The following OTOGL variants were observed in gnomAD, a reference collection of about 807,000 sequenced individuals.
The protein encoded by OTOGL is otogelin like.
Under a neutral mutation model 318.5 loss-of-function variants are expected in OTOGL, and 285 were observed. That is an observed-to-expected ratio of 0.89 (90% CI 0.81 to 0.99). OTOGL has a LOEUF of 0.99. Ranked by LOEUF, OTOGL falls within the 50% of genes least tolerant of loss-of-function variation. The pLI is 0.00. For missense variants in OTOGL, 2,899 were observed against 2,845.6 expected (o/e 1.02, Z -0.43); for synonymous variants, 987 against 936.5 (o/e 1.05, Z -0.99).
In OTOGL at chr12:80,377,877, C is replaced by A; in HGVS notation, c.6891C>A (p.Cys2297Ter). The A allele has an allele frequency of 6.2e-7, 1 of 1,611,022 alleles. No individual in the cohort carries two copies. The highest frequency in any genetic ancestry group is 8.5e-7 in the Non-Finnish European group (1 of 1,178,056). ...PINVASCDGK[C>*]PSATIYNINI... ...ATGTTGCATCTTGTGACGGCAAATG[C>A]CCATCAGCTACCATATATAACATCA... is the stretch of plus-strand genomic sequence containing the variant. Residue 2297 changes from cysteine (C) to a stop codon, truncating the protein, a stop_gained, in exon 59 of 59, where the codon TGC becomes TGA. Transcript: ENST00000547103. LOFTEE classifies it high-confidence loss of function.
chr12:80,181,111 T>A (rs1051116990), intron 1 of OTOGL, among the ~76,000 whole-genome samples: 1 of 152,192 alleles, frequency 6.6e-6, no homozygotes, highest in Non-Finnish European at 1.5e-5. Context: ...ATTATGAGCA[T>A]GAAGGTTTGT....
At chr12:80,134,129 T>G (rs546693197) in intron 1 of OTOGL, among the ~76,000 whole-genome samples, 1 of 152,332 alleles carries the variant, frequency 6.6e-6, no homozygotes, top group Non-Finnish European at 1.5e-5. Context: ...ATTTAGACTA[T>G]TGCTAGACAG....
At chr12:80,123,045 T>A (rs529768980) in intron 1 of OTOGL, among the ~76,000 whole-genome samples, 16 of 152,088 alleles carry the variant, frequency 1.1e-4, no homozygotes, top group South Asian at 4.1e-4. Flanking sequence ...TTTTTTTTTT[T>A]AATTATACTT....
chr12:80,175,293 C>T (rs1874457533), intron 1 of OTOGL, among the ~76,000 whole-genome samples: 1 of 152,070 alleles, frequency 6.6e-6, no homozygotes. Flanking sequence ...AATTTCTCAT[C>T]CTTAGGTGTG....
At chr12:80,144,299 T>C (rs111476700) in intron 1 of OTOGL, among the ~76,000 whole-genome samples, 1 of 151,808 alleles carries the variant, frequency 6.6e-6, no homozygotes, top group East Asian at 1.9e-4. Context: ...AGTGAGAATA[T>C]GCGGTGTTTG....
intron 26 of OTOGL, among the ~76,000 whole-genome samples, chr12:80,280,717 T>C (rs929620827): frequency 1.9e-4 from 29 of 151,924 alleles, no homozygotes; most frequent in South Asian, 1.0e-3. Flanking sequence ...TGGAGTTGGG[T>C]AGTTTGATGC....
chr12:80,367,609 G>C lies in OTOGL; in HGVS notation c.6380G>C (p.Gly2127Ala), dbSNP rs139115318. The C allele has an allele frequency of 5.2e-6, 8 of 1,545,594 alleles. No individual in the cohort carries two copies. The highest frequency in any genetic ancestry group is 6.2e-6 in the Non-Finnish European group (7 of 1,137,170). ...VFQEVSVLNP[G>A]QSMIKYLEED... Reference sequence around the variant, plus strand: ...CAAGAAGTATCAGTATTGAATCCTGGACAATCCATGATAAAGTATTTGGAA... The same window carrying C: ...CAAGAAGTATCAGTATTGAATCCTGCACAATCCATGATAAAGTATTTGGAA... Residue 2127 changes from glycine to alanine, a missense_variant, in exon 54 of 59, where the codon GGA becomes GCA. Gly to Ala is a moderately conservative substitution (Grantham distance 60). Around this residue, in one of 3 missense-constraint regions of OTOGL, gnomAD observed 289 missense variants for 304.6 expected, o/e 0.95. Coordinates refer to ENST00000547103, the MANE Select transcript of OTOGL (RefSeq NM_001378609.3).
rs1882830196 is a variant in OTOGL, at chr12:80,264,955, T to C, written c.2015-46T>C. The C allele has an allele frequency of 1.9e-6, 3 of 1,564,860 alleles. No individual in the cohort carries two copies. In the East Asian group the frequency reaches 6.8e-5, roughly 35 times the overall value. ...GTGAAATGCTTGGATAATTCTGGGG[T>C]AAGATCTGAACTGTTAAATAAGATG... is the stretch of plus-strand genomic sequence containing the variant. On this transcript the variant is annotated intron_variant, in intron 19 of 58. Transcript: ENST00000547103.
At chr12:80,156,304 C>T (rs1873111719) in intron 1 of OTOGL, among the ~76,000 whole-genome samples, 1 of 152,220 alleles carries the variant, frequency 6.6e-6, no homozygotes, top group Non-Finnish European at 1.5e-5. Context: ...CCAAGTTCTT[C>T]AGCTTTGGAA....
At chr12:80,238,218 G>T (rs1880037594) in intron 9 of OTOGL, among the ~76,000 whole-genome samples, 1 of 152,134 alleles carries the variant, frequency 6.6e-6, no homozygotes, top group South Asian at 2.1e-4. Context: ...TAGCTTTAGG[G>T]TTCTCAGTAG....
chr12:80,259,049 A>C (rs936931336), intron 18 of OTOGL, among the ~76,000 whole-genome samples: 3 of 152,054 alleles, frequency 2.0e-5, no homozygotes, highest in Non-Finnish European at 4.4e-5. Flanking sequence ...ACCTCGGAAC[A>C]TCATGTTGTA....
chr12:80,237,038 C>T (rs1387038746), intron 9 of OTOGL, among the ~76,000 whole-genome samples: 1 of 152,000 alleles, frequency 6.6e-6, no homozygotes, highest in African/African-American at 2.4e-5. Context: ...CAGTCTCGTA[C>T]TCCTGGCCTC....
chr12:80,238,617 C>A (rs1427168033), intron 9 of OTOGL, among the ~76,000 whole-genome samples: 8 of 152,124 alleles, frequency 5.3e-5, no homozygotes, highest in Non-Finnish European at 8.8e-5. Context: ...TGTTTGAATG[C>A]AGTTTGCTTT....
Position 80,243,641 on chromosome 12 carries a change from T to C in OTOGL, c.1052+4202T>C, listed in dbSNP as rs1422221115. 1.3e-4 allele frequency among the ~76,000 whole-genome samples: 19 copies of C among 151,620 alleles called. No individual in the cohort carries two copies. The South Asian group carries it at 3.7e-3, about 30-fold the overall frequency. ...ACTCTGATATTGTTCTCAATGTATG[T>C]TGAGAAAATAATTGATATAATCATA... On this transcript the variant is annotated intron_variant, in intron 11 of 58. Coordinates refer to ENST00000547103, the MANE Select transcript of OTOGL (RefSeq NM_001378609.3).
At chr12:80,251,382 G>A (rs985409045) in intron 11 of OTOGL, among the ~76,000 whole-genome samples, 1 of 151,932 alleles carries the variant, frequency 6.6e-6, no homozygotes, top group Admixed American at 6.6e-5. Flanking sequence ...CGGATTATGG[G>A]GAAAATGTTA....
chr12:80,311,058 G>A (rs1253675701), intron 30 of OTOGL, among the ~76,000 whole-genome samples: 2 of 152,160 alleles, frequency 1.3e-5, no homozygotes, highest in Admixed American at 1.3e-4. Context: ...TGTCAAATGG[G>A]TATTCTTCTC....
intron 1 of OTOGL, among the ~76,000 whole-genome samples, chr12:80,111,691 A>G (rs1037825818): frequency 1.3e-5 from 2 of 152,132 alleles, no homozygotes; most frequent in African/African-American, 4.8e-5. Flanking sequence ...TGATGCCTCC[A>G]GCTTTGTTCT....
intron 1 of OTOGL, among the ~76,000 whole-genome samples, chr12:80,106,256 C>T (rs1038563815): frequency 4.6e-5 from 7 of 152,112 alleles, no homozygotes; most frequent in African/African-American, 1.7e-4. Flanking sequence ...TCATTTTTTC[C>T]TGCCTTCATT....
At chr12:80,102,107 G>A (rs1869175319) in intron 1 of OTOGL, among the ~76,000 whole-genome samples, 1 of 152,250 alleles carries the variant, frequency 6.6e-6, no homozygotes, top group South Asian at 2.1e-4. Flanking sequence ...ATACAAGTAG[G>A]ATGCAGAATG....
Sources: allele counts gnomAD v4.1 joint callset (sites outside exome capture counted in the v4.1 genomes callset), GRCh38; gene constraint gnomAD v4.1.1; regional missense constraint gnomAD v4.1.1; transcripts MANE v1.5; gene names NCBI Gene and HGNC (gene_info 2026-07-23, HGNC 2026-07-21).